TBC1D23: variants seen among roughly 807,000 people sequenced by gnomAD.
TBC1D23 encodes the protein TBC1 domain family member 23.
In TBC1D23, 55 loss-of-function variants were observed where a neutral mutation model predicts 91.4. That is an observed-to-expected ratio of 0.60 (90% CI 0.48 to 0.75). TBC1D23 has a LOEUF of 0.75. Among genes scored for constraint, TBC1D23 ranks in the 30% least tolerant of loss-of-function variants. The pLI is 0.00. For synonymous variants in TBC1D23, 289 were observed against 281.0 expected, an observed-to-expected ratio of 1.03 and a Z score of -0.28; for missense variants, 725 against 836.1, an observed-to-expected ratio of 0.87 and a Z score of 1.64.
intron 15 of TBC1D23, among the ~76,000 whole-genome samples, chr3:100,315,154 CTTTTTT>C (rs397705981): frequency 1.0e-3 from 75 of 73,674 alleles, no homozygotes; most frequent in South Asian, 7.8e-3. Context: ...GAGGCAGATT[CTTTTTT>C]TTTTTTTTTT....
At chr3:100,314,524 C>T (rs1705697212) in intron 15 of TBC1D23, among the ~76,000 whole-genome samples, 1 of 152,094 alleles carries the variant, frequency 6.6e-6, no homozygotes, top group African/African-American at 2.4e-5. Context: ...AATCTCAGCA[C>T]TGGGAGGCTG....
At chr3:100,281,070 G>A (rs1222120780) in intron 2 of TBC1D23, among the ~76,000 whole-genome samples, 2 of 152,162 alleles carry the variant, frequency 1.3e-5, no homozygotes, top group African/African-American at 4.8e-5. Flanking sequence ...TGAGGCAGGA[G>A]AATCACTTGA....
intron 4 of TBC1D23, 91 bp from the exon 5 acceptor site, chr3:100,290,487 T>G: frequency 9.0e-7 from 1 of 1,112,638 alleles, no homozygotes; most frequent in Non-Finnish European, 1.3e-6. Flanking sequence ...TTCCAGTGAA[T>G]GCTGTGGAGG....
intron 13 of TBC1D23, among the ~76,000 whole-genome samples, chr3:100,309,070 G>C (rs1705570309): frequency 6.6e-6 from 1 of 152,184 alleles, no homozygotes; most frequent in Admixed American, 6.5e-5. Context: ...CTATTCAGGA[G>C]ACTGAGGCAG....
rs1486449040 is a variant in TBC1D23 at position 100,302,170 on chromosome 3, GT to G, written c.1200del (p.Phe400LeufsTer13). The G allele has an allele frequency of 6.8e-6, 11 of 1,614,054 alleles. No individual in the cohort carries two copies. Among genetic ancestry groups the G allele is most frequent in the Non-Finnish European group, 9.3e-6 (11 of 1,179,948 alleles). On this transcript the variant is annotated frameshift_variant, in exon 11 of 19. Transcript: ENST00000394144. LOFTEE classifies it high-confidence loss of function. ...SGSIAGGEHLCFMGSGREEED... is the reference protein window; with the variant it reads ...SGSIAGGEHLXFMGSGREEED... ...TCCATAGCTGGTGGGGAGCACCTCT[GT>G]TTTATGGGCAGTGGCAGGGAGGAAG... is the stretch of plus-strand genomic sequence containing the variant.
chr3:100,299,423 T>C (rs1446368781), intron 10 of TBC1D23, 92 bp downstream of exon 10: 3 of 676,240 alleles, frequency 4.4e-6, no homozygotes, highest in Non-Finnish European at 7.2e-6. Context: ...GGGAATTTTT[T>C]TCTTTCTGCT....
intron 11 of TBC1D23, among the ~76,000 whole-genome samples, chr3:100,303,497 A>G (rs1260618627): frequency 6.6e-6 from 1 of 152,212 alleles, no homozygotes; most frequent in Non-Finnish European, 1.5e-5. Context: ...CAGGCCAGGC[A>G]CAGTGGCTCC....
intron 17 of TBC1D23, among the ~76,000 whole-genome samples, chr3:100,319,723 C>T (rs998688632): frequency 2.6e-5 from 4 of 152,052 alleles, no homozygotes; most frequent in African/African-American, 4.8e-5. Flanking sequence ...CCACCGTGGC[C>T]GGCCATGATT....
At chr3:100,265,679 A>G (rs2067551994) in intron 1 of TBC1D23, among the ~76,000 whole-genome samples, 1 of 152,192 alleles carries the variant, frequency 6.6e-6, no homozygotes, top group South Asian at 2.1e-4. Flanking sequence ...CAATTATATA[A>G]CTGTTGAAAT....
At chr3:100,312,871 C>G (rs911743446) in intron 15 of TBC1D23, among the ~76,000 whole-genome samples, 1 of 152,010 alleles carries the variant, frequency 6.6e-6, no homozygotes, top group Admixed American at 6.6e-5. Context: ...ACTATACTTT[C>G]AGCCGGGCGC....
At chr3:100,315,984 G>C (rs917985807) in intron 15 of TBC1D23, 115 bp from the exon 16 acceptor site, 11 of 780,038 alleles carry the variant, frequency 1.4e-5, no homozygotes, top group Admixed American at 4.0e-5. Flanking sequence ...ATGGGGTTTT[G>C]GGGGGGTCAG....
chr3:100,296,367 A>G, intron 8 of TBC1D23, 92 bp downstream of exon 8: 2 of 742,540 alleles, frequency 2.7e-6, no homozygotes, highest in East Asian at 5.7e-5. Context: ...ATAGGTTGTC[A>G]ATTTTTTCTG....
chr3:100,265,351 A>T (rs1022007507), intron 1 of TBC1D23, among the ~76,000 whole-genome samples: 3 of 152,228 alleles, frequency 2.0e-5, no homozygotes, highest in Non-Finnish European at 4.4e-5. Flanking sequence ...GTAATCAGAA[A>T]ATGCCTCAGC....
At chr3:100,303,530 G>A (rs1393974353) in intron 11 of TBC1D23, among the ~76,000 whole-genome samples, 1 of 152,092 alleles carries the variant, frequency 6.6e-6, no homozygotes, top group Non-Finnish European at 1.5e-5. Context: ...CAATACTTTG[G>A]TAGACTGAGA....
chr3:100,284,720 A>T (rs1439277453), intron 4 of TBC1D23, among the ~76,000 whole-genome samples: 3 of 152,130 alleles, frequency 2.0e-5, no homozygotes, highest in Non-Finnish European at 4.4e-5. Context: ...GAATTGTTGT[A>T]GTTCCCAGTG....
At chr3:100,263,852 C>T (rs1436676512) in intron 1 of TBC1D23, among the ~76,000 whole-genome samples, 1 of 152,142 alleles carries the variant, frequency 6.6e-6, no homozygotes, top group East Asian at 1.9e-4. Context: ...CTCTGGTTCA[C>T]ATGGGCAGAG....
intron 4 of TBC1D23, among the ~76,000 whole-genome samples, chr3:100,290,200 TG>T (rs1465261346): frequency 6.6e-6 from 1 of 152,212 alleles, no homozygotes; most frequent in African/African-American, 2.4e-5. Flanking sequence ...GTATATAAAC[TG>T]TGGAGCTAAC....
chr3:100,323,551 A>C (rs1214993021), intron 18 of TBC1D23, 36 bp from the exon 19 acceptor site: 1 of 969,188 alleles, frequency 1.0e-6, no homozygotes, highest in Non-Finnish European at 1.4e-6. Context: ...ATATGTATAT[A>C]TATATGTATA....
chr3:100,279,116 A>G (rs1055537515), intron 1 of TBC1D23, among the ~76,000 whole-genome samples: 6 of 152,208 alleles, frequency 3.9e-5, no homozygotes, highest in African/African-American at 1.2e-4. Context: ...ACCCTATACC[A>G]TAATACTGGT....
Sources: allele counts gnomAD v4.1 joint callset (sites outside exome capture counted in the v4.1 genomes callset), GRCh38; gene constraint gnomAD v4.1.1; transcripts MANE v1.5; gene names NCBI Gene and HGNC (gene_info 2026-07-23, HGNC 2026-07-21).